Variants in CCDC122 observed in about 807,000 individuals in gnomAD.
CCDC122 encodes the protein coiled-coil domain containing 122.
CCDC122 carries 38 observed loss-of-function variants against 37.0 expected under a neutral mutation model. The observed-to-expected ratio is 1.03, with a 90% CI of 0.79 to 1.35. The LOEUF (loss-of-function observed/expected upper bound fraction) is 1.35. Ranked by LOEUF, CCDC122 falls within the 40% of genes most tolerant of loss-of-function variation. The probability of loss-of-function intolerance (pLI) is 0.00; values close to 1 mark genes in which losing one functional copy is unlikely to be tolerated. For synonymous variants in CCDC122, 83 were observed against 95.6 expected (o/e 0.87, Z 0.77); for missense variants, 305 against 310.0 (o/e 0.98, Z 0.12).
downstream of CCDC122, among the ~76,000 whole-genome samples, chr13:43,822,239 T>C (rs1211871677): frequency 6.6e-6 from 1 of 152,224 alleles, no homozygotes; most frequent in African/African-American, 2.4e-5. Flanking sequence ...GCATACGATC[T>C]GGAAGAATTC....
chr13:43,829,375 G>A (rs183835171), intron 3 of CCDC122, among the ~76,000 whole-genome samples: 1 of 152,016 alleles, frequency 6.6e-6, no homozygotes, highest in East Asian at 1.9e-4. Flanking sequence ...GTGCGATCTC[G>A]GCTCACTGCA....
At chr13:43,872,158 T>C (rs1389497006) in intron 2 of CCDC122, among the ~76,000 whole-genome samples, 1 of 152,016 alleles carries the variant, frequency 6.6e-6, no homozygotes, top group South Asian at 2.1e-4. Flanking sequence ...TTTGACAGTA[T>C]GTGCTGTTTA....
In CCDC122 at chr13:43,865,253, T is replaced by C. The variant is rs538051785; in HGVS notation, c.156+3441A>G. Among the ~76,000 whole-genome samples, 7 of 152,294 alleles carry C rather than the reference T, an allele frequency of 4.6e-5. No individual in the cohort carries two copies. In the South Asian group the frequency reaches 1.5e-3, roughly 32 times the overall value. ...TAGGTTGTGAGAACCTCTGATTTTATAGCCAGTTGATCAGAAGTATGGGTG... is the reference window on the plus strand; with the variant it reads ...TAGGTTGTGAGAACCTCTGATTTTACAGCCAGTTGATCAGAAGTATGGGTG... On this transcript the variant is annotated intron_variant, in intron 4 of 6. Transcript: ENST00000444614.
chr13:43,835,762 T>C (rs1447988667), downstream of CCDC122, among the ~76,000 whole-genome samples: 1 of 152,178 alleles, frequency 6.6e-6, no homozygotes, highest in African/African-American at 2.4e-5. Flanking sequence ...ACTTAGAAAA[T>C]ATAATAACTT....
intron 6 of CCDC122, chr13:43,848,676 C>A: frequency 3.9e-6 from 1 of 259,706 alleles, no homozygotes; most frequent in Non-Finnish European, 6.0e-6. Context: ...CCTAAAAATA[C>A]TGAAAGCATT....
chr13:43,839,178 C>T (rs144499446), intron 6 of CCDC122, among the ~76,000 whole-genome samples: 13 of 152,270 alleles, frequency 8.5e-5, no homozygotes, highest in South Asian at 2.1e-4. Flanking sequence ...CTCTGTTTCA[C>T]GAATATCACC....
At chr13:43,825,875 C>T (rs1212792325) in intron 3 of CCDC122, among the ~76,000 whole-genome samples, 1 of 151,864 alleles carries the variant, frequency 6.6e-6, no homozygotes, top group Non-Finnish European at 1.5e-5. Flanking sequence ...AGTGGAACCT[C>T]AGCATCATGC....
intron 2 of CCDC122, among the ~76,000 whole-genome samples, chr13:43,870,752 T>A (rs1245102693): frequency 6.6e-6 from 1 of 152,126 alleles, no homozygotes; most frequent in Non-Finnish European, 1.5e-5. Flanking sequence ...TATAAGAATT[T>A]ACCCAAAGAG....
chr13:43,821,210 T>C (rs941657333), downstream of CCDC122, among the ~76,000 whole-genome samples: 2 of 152,200 alleles, frequency 1.3e-5, no homozygotes, highest in African/African-American at 4.8e-5. Flanking sequence ...GATATCTTTA[T>C]GTAGGGGTTT....
At chr13:43,855,688 AAAACAAAC>A (rs143608174) in intron 6 of CCDC122, 64 of 151,788 alleles carry the variant, frequency 4.2e-4, no homozygotes, top group African/African-American at 1.4e-3. Context: ...AAAATAAAAC[AAAACAAAC>A]AAACAAACAA....
At chr13:43,819,743 T>C (rs1339541241), downstream of CCDC122, among the ~76,000 whole-genome samples, 2 of 152,072 alleles carry the variant, frequency 1.3e-5, no homozygotes, top group African/African-American at 2.4e-5. Context: ...AGAAATGGAA[T>C]CCAGACCTCC....
At chr13:43,861,395 C>T (rs987710505) in intron 4 of CCDC122, among the ~76,000 whole-genome samples, 3 of 152,060 alleles carry the variant, frequency 2.0e-5, no homozygotes, top group East Asian at 3.9e-4. Context: ...GATAGACTAA[C>T]GGATGAAAAA....
At chr13:43,876,495 A>C (rs897551004) in intron 1 of CCDC122, among the ~76,000 whole-genome samples, 2 of 152,098 alleles carry the variant, frequency 1.3e-5, no homozygotes, top group African/African-American at 4.8e-5. Flanking sequence ...GCAGCAGCTT[A>C]TGTCTAAGCC....
At chr13:43,854,206 G>T (rs1285260785) in intron 6 of CCDC122, 1 of 151,696 alleles carries the variant, frequency 6.6e-6, no homozygotes, top group Non-Finnish European at 1.5e-5. Context: ...CTGGTTTTTT[G>T]AAAAAATTAA....
chr13:43,832,448 A>T (rs1006471683), downstream of CCDC122, among the ~76,000 whole-genome samples: 12 of 152,132 alleles, frequency 7.9e-5, no homozygotes, highest in Non-Finnish European at 4.4e-5. Context: ...GTAAAATAAC[A>T]CAGAAATTTA....
At chr13:43,838,720 T>G (rs1953246869) in intron 6 of CCDC122, among the ~76,000 whole-genome samples, 1 of 152,076 alleles carries the variant, frequency 6.6e-6, no homozygotes, top group Non-Finnish European at 1.5e-5. Flanking sequence ...GGAGCAAGAG[T>G]TAGCTGGCTG....
intron 1 of CCDC122, among the ~76,000 whole-genome samples, chr13:43,875,202 C>A (rs1954571418): frequency 6.6e-6 from 1 of 152,142 alleles, no homozygotes; most frequent in Non-Finnish European, 1.5e-5. Context: ...GTTATATAGA[C>A]CTTTGGTGAA....
At chr13:43,835,241 C>A (rs577551265), downstream of CCDC122, among the ~76,000 whole-genome samples, 4 of 152,092 alleles carry the variant, frequency 2.6e-5, no homozygotes, top group South Asian at 8.3e-4. Context: ...GTTCTCACTC[C>A]TAGGTGGGAA....
At chr13:43,828,877 A>C (rs1953063825) in intron 3 of CCDC122, among the ~76,000 whole-genome samples, 2 of 152,126 alleles carry the variant, frequency 1.3e-5, no homozygotes, top group Non-Finnish European at 2.9e-5. Context: ...AGCAGTTTTA[A>C]ATTATTTGTA....
Sources: allele counts gnomAD v4.1 joint callset (sites outside exome capture counted in the v4.1 genomes callset), GRCh38; gene constraint gnomAD v4.1.1; transcripts MANE v1.5; gene names NCBI Gene and HGNC (gene_info 2026-07-23, HGNC 2026-07-21).